The following JAKMIP1 variants were observed in gnomAD, a reference collection of about 807,000 sequenced individuals.
JAKMIP1 encodes the protein janus kinase and microtubule-interacting protein 1.
In JAKMIP1, 33 loss-of-function variants were observed where a neutral mutation model predicts 113.0. That is an observed-to-expected ratio of 0.29 (90% CI 0.22 to 0.39). The LOEUF is 0.39. Among genes scored for constraint, JAKMIP1 ranks in the 10% least tolerant of loss-of-function variants. The pLI is 1.00. For missense variants in JAKMIP1, 813 were observed against 1,080.5 expected, an observed-to-expected ratio of 0.75 and a Z score of 3.47; for synonymous variants, 480 against 459.9, an observed-to-expected ratio of 1.04 and a Z score of -0.56.
intron 1 of JAKMIP1, among the ~76,000 whole-genome samples, chr4:6,169,858 A>G (rs569369222): frequency 2.6e-5 from 4 of 151,830 alleles, no homozygotes; most frequent in Non-Finnish European, 5.9e-5. Context: ...ATGAGTAGAC[A>G]TCAGATTAAT....
In JAKMIP1 at chr4:6,187,338, T is replaced by G. The variant is rs765912502; in HGVS notation, c.-148+12915A>C. 7.9e-5 allele frequency among the ~76,000 whole-genome samples: 12 copies of G among 152,262 alleles called. No homozygotes were observed. Among genetic ancestry groups the G allele is most frequent in the Non-Finnish European group, 1.8e-4 (12 of 68,044 alleles). Reference sequence around the variant, plus strand: ...TCTTATGGTTGCTATTTACCTGATATATTTTTTCTCATCCTTTCACTTTCA... The same window carrying G: ...TCTTATGGTTGCTATTTACCTGATAGATTTTTTCTCATCCTTTCACTTTCA... On this transcript the variant is annotated intron_variant, in intron 1 of 20. Transcript: ENST00000409021. The surrounding 1 kb of genome is among the most constrained non-coding windows in gnomAD (Gnocchi z 4.2).
intron 5 of JAKMIP1, among the ~76,000 whole-genome samples, chr4:6,083,402 CA>C (rs77719269): frequency 0.018 from 1,928 of 109,792 alleles, 12 homozygotes; most frequent in Non-Finnish European, 0.024. Flanking sequence ...GACTCCACCT[CA>C]AAAAAAAAAA....
At chr4:6,027,308 C>G (rs1447720440) in intron 20 of JAKMIP1, among the ~76,000 whole-genome samples, 3 of 152,154 alleles carry the variant, frequency 2.0e-5, no homozygotes, top group Non-Finnish European at 4.4e-5. Flanking sequence ...AAAGTCCAAA[C>G]TAACAGCCAT....
At chr4:6,027,952 T>C (rs1712076389) in intron 20 of JAKMIP1, among the ~76,000 whole-genome samples, 1 of 152,210 alleles carries the variant, frequency 6.6e-6, no homozygotes, top group Non-Finnish European at 1.5e-5. Context: ...GAACCGGTGC[T>C]GCCAGTCCAC....
chr4:6,149,702 T>C (rs796275694), intron 1 of JAKMIP1, among the ~76,000 whole-genome samples: 10 of 152,278 alleles, frequency 6.6e-5, no homozygotes, highest in African/African-American at 2.4e-4. Context: ...GCAGGGTTTT[T>C]TTCTTCTGAT....
rs567496478 is a variant in JAKMIP1, at chr4:6,041,989, G to A, written c.2097+170C>T. Reference sequence around the variant, plus strand: ...GTATTCGATGAGTAATTGAGCGAGTGAAAGAGTAAGTAAATGGGTGACAAT... The same window carrying A: ...GTATTCGATGAGTAATTGAGCGAGTAAAAGAGTAAGTAAATGGGTGACAAT... On this transcript the variant is annotated intron_variant, in intron 17 of 20. Coordinates refer to ENST00000409021, the MANE Select transcript of JAKMIP1 (RefSeq NM_001099433.2). 7.2e-5 allele frequency among the ~76,000 whole-genome samples: 11 copies of A among 152,334 alleles called. No homozygotes were observed. The South Asian group carries it at 2.1e-3, about 29-fold the overall frequency.
At chr4:6,132,937 GA>G (rs1718711826) in intron 1 of JAKMIP1, among the ~76,000 whole-genome samples, 1 of 151,974 alleles carries the variant, frequency 6.6e-6, no homozygotes. Flanking sequence ...TCAATTAAGG[GA>G]AATGCAAGCA....
In JAKMIP1 at chr4:6,065,328, C is replaced by T. The variant is rs958095956; in HGVS notation, c.1303-320G>A. Among the ~76,000 whole-genome samples, 26 of 152,228 alleles carry T rather than the reference C, an allele frequency of 1.7e-4. No individual in the cohort carries two copies. The highest frequency in any genetic ancestry group is 3.9e-4 in the Admixed American group (6 of 15,284). On this transcript the variant is annotated intron_variant, in intron 8 of 20. Coordinates refer to ENST00000409021, the MANE Select transcript of JAKMIP1 (RefSeq NM_001099433.2). This position sits in a 1 kb window ranked among gnomAD's most constrained non-coding sequence, Gnocchi z 5.1. Reference sequence around the variant, plus strand: ...TTCTCTAGCAAATGGATTGAGAAGCCACCTCACCTGTGAGCACAAAAGGGG... The same window carrying T: ...TTCTCTAGCAAATGGATTGAGAAGCTACCTCACCTGTGAGCACAAAAGGGG...
At chr4:6,149,960 C>T (rs1721365241) in intron 1 of JAKMIP1, among the ~76,000 whole-genome samples, 1 of 152,180 alleles carries the variant, frequency 6.6e-6, no homozygotes, top group Non-Finnish European at 1.5e-5. Flanking sequence ...CTGCACCTTC[C>T]ACTGCCCCTG....
intron 16 of JAKMIP1, 126 bp downstream of exon 16, chr4:6,048,731 C>T (rs779204386): frequency 4.1e-6 from 3 of 732,904 alleles, no homozygotes; most frequent in Non-Finnish European, 4.7e-6. Flanking sequence ...CATGCATGTG[C>T]ACGTGCAGAC....
chr4:6,124,480 GA>G (rs1041466351), intron 1 of JAKMIP1, among the ~76,000 whole-genome samples: 1 of 152,146 alleles, frequency 6.6e-6, no homozygotes, highest in African/African-American at 2.4e-5. Flanking sequence ...CCAGTTCTCA[GA>G]GGTGTCCCCT....
chr4:6,130,995 G>A (rs915745396), intron 1 of JAKMIP1, among the ~76,000 whole-genome samples: 19 of 151,754 alleles, frequency 1.3e-4, no homozygotes, highest in African/African-American at 4.1e-4. Flanking sequence ...GCAACATGAT[G>A]AAACCCTGTC....
chr4:6,075,226 AT>A (rs578193040), intron 8 of JAKMIP1, among the ~76,000 whole-genome samples: 20 of 150,712 alleles, frequency 1.3e-4, no homozygotes, highest in East Asian at 3.9e-4. Flanking sequence ...GCAACCATCC[AT>A]TTTTTTTTTC....
At chr4:6,047,188 C>A (rs1057067300) in intron 16 of JAKMIP1, among the ~76,000 whole-genome samples, 2 of 152,210 alleles carry the variant, frequency 1.3e-5, no homozygotes, top group Non-Finnish European at 2.9e-5. Context: ...GTAGCCAAGA[C>A]GCAAGCCAGG....
In JAKMIP1 at chr4:6,040,708, G is replaced by C; in HGVS notation, c.2106C>G (p.Phe702Leu). 1 of 1,613,120 alleles carries C rather than the reference G, an allele frequency of 6.2e-7. No individual in the cohort carries two copies. The highest frequency in any genetic ancestry group is 8.5e-7 in the Non-Finnish European group (1 of 1,179,426). The change falls in exon 18 of 21, where the codon TTC (phenylalanine) becomes TTG (leucine). Residue 702 changes from phenylalanine (F) to leucine (L), a missense_variant. This residue lies in a region of JAKMIP1 where 273 missense variants were observed against 426.6 expected (regional missense o/e 0.64). Transcript: ENST00000409021. The surrounding 1 kb of genome is among the most constrained non-coding windows in gnomAD (Gnocchi z 5.8). ...MLDLEKEKDL[F>L]SRQKGYLEEE... ...CTTCCAGGTAGCCCTTCTGCCTGCT[G>C]AACAGGTCCTGAGAAAGAGGGAGGC...
intron 8 of JAKMIP1, among the ~76,000 whole-genome samples, chr4:6,078,499 C>T (rs1045795271): frequency 1.3e-5 from 2 of 150,196 alleles, no homozygotes; most frequent in African/African-American, 4.9e-5. Context: ...CTCCTTCAGA[C>T]ACTGTTACTA....
chr4:6,031,459 C>G lies in JAKMIP1; in HGVS notation c.2380-1678G>C, dbSNP rs1023262338. On this transcript the variant is annotated intron_variant, in intron 19 of 20. Transcript: ENST00000409021. The surrounding 1 kb of genome is among the most constrained non-coding windows in gnomAD (Gnocchi z 4.4). Reference sequence around the variant, plus strand: ...GCATGAGGAGGGGTGAGGTATCGTGCCGTGGGCTGGAGGAGACGTGGAACC... The same window carrying G: ...GCATGAGGAGGGGTGAGGTATCGTGGCGTGGGCTGGAGGAGACGTGGAACC... 1.3e-5 allele frequency among the ~76,000 whole-genome samples: 2 copies of G among 152,054 alleles called. No homozygotes were observed. Among genetic ancestry groups the G allele is most frequent in the African/African-American group, 4.8e-5 (2 of 41,402 alleles).
At chr4:6,165,601 C>G (rs1483349696) in intron 1 of JAKMIP1, among the ~76,000 whole-genome samples, 3 of 152,164 alleles carry the variant, frequency 2.0e-5, no homozygotes, top group Admixed American at 6.5e-5. Flanking sequence ...GCGCCCAGCC[C>G]TAAAGTATTT....
Position 6,150,466 on chromosome 4 carries a change from G to C in JAKMIP1, c.-147-37469C>G, listed in dbSNP as rs1391616032. On this transcript the variant is annotated intron_variant, in intron 1 of 20. Transcript: ENST00000409021. This position sits in a 1 kb window ranked among gnomAD's most constrained non-coding sequence, Gnocchi z 4.8. Reference sequence around the variant, plus strand: ...TCCACCTCTACGTCCCCAGGGCCCTGTCCGGGGCCTGACACAGCAGGTACA... The same window carrying C: ...TCCACCTCTACGTCCCCAGGGCCCTCTCCGGGGCCTGACACAGCAGGTACA... 1 of 152,264 alleles carries C rather than the reference G, an allele frequency of 6.6e-6. No individual in the cohort carries two copies. The highest frequency in any genetic ancestry group is 1.5e-5 in the Non-Finnish European group (1 of 68,108). 9.4% of individuals were successfully genotyped at this position (152,264 alleles called of 1,614,324 possible). A position where few individuals can be genotyped will look rare whatever the true frequency, so the allele number is the denominator to read the frequency against.
Sources: gnomAD v4.1 joint callset for allele counts (sites outside exome capture counted in the v4.1 genomes callset) on GRCh38, gnomAD v4.1.1 for gene constraint, gnomAD v4.1.1 regional missense constraint, Gnocchi (gnomAD v3.1) non-coding constraint, MANE v1.5 for transcripts, NCBI Gene and HGNC (gene_info 2026-07-23, HGNC 2026-07-21) for gene names.